Variants in PTPRG observed in about 807,000 individuals in gnomAD.
PTPRG encodes the protein protein tyrosine phosphatase receptor type G, also known as receptor-type tyrosine-protein phosphatase gamma.
A neutral mutation model predicts 165.3 loss-of-function variants in PTPRG; 102 were observed. That is an observed-to-expected ratio of 0.62 (90% CI 0.53 to 0.73). The LOEUF is 0.73. Ranked by LOEUF, PTPRG falls within the 30% of genes least tolerant of loss-of-function variation. The pLI, the probability that PTPRG is intolerant of heterozygous loss-of-function variation, is 0.00. For synonymous variants in PTPRG, 675 were observed against 669.5 expected, an observed-to-expected ratio of 1.01 and a Z score of -0.13; for missense variants, 1,866 against 1,861.4, an observed-to-expected ratio of 1.00 and a Z score of -0.05.
chr3:61,568,692 G>A (rs1699985086), intron 1 of PTPRG, among the ~76,000 whole-genome samples: 1 of 152,020 alleles, frequency 6.6e-6, no homozygotes, highest in Admixed American at 6.6e-5. Flanking sequence ...GACGGAACAT[G>A]AGGTCAAGAG....
intron 4 of PTPRG, among the ~76,000 whole-genome samples, chr3:62,016,119 G>A (rs2041539213): frequency 6.6e-6 from 1 of 152,008 alleles, no homozygotes; most frequent in Admixed American, 6.6e-5. Context: ...TGAGTTAATA[G>A]ACATAGAGTA....
chr3:62,142,026 T>C (rs1703950282), intron 6 of PTPRG, among the ~76,000 whole-genome samples: 1 of 151,208 alleles, frequency 6.6e-6, no homozygotes, highest in Non-Finnish European at 1.5e-5. Flanking sequence ...AGTCATAGAA[T>C]AGAACATTTC....
chr3:62,078,667 C>G (rs2526428), intron 5 of PTPRG, among the ~76,000 whole-genome samples: 10,078 of 151,852 alleles, frequency 0.066, 1,103 homozygotes, highest in African/African-American at 0.23. Flanking sequence ...CTAAAGAGAC[C>G]CCCTCTCTTT....
chr3:61,562,123 G>T lies in PTPRG; in HGVS notation c.-165G>T. The stretch of plus-strand genomic sequence containing the variant: ...TTTGAGATTTTCCGGGGGGCGCTCG[G>T]CGGCTTCCCGGATTCCAAGGGGACT... On this transcript the variant is annotated 5_prime_UTR_variant, in exon 1 of 30. Transcript: ENST00000474889. The T allele has an allele frequency of 1.7e-6, 1 of 586,914 alleles. No individual in the cohort carries two copies. The allele number at this position is 586,914 out of a possible 1,614,324, so 36.4% of individuals were successfully genotyped here.
At chr3:61,580,461 A>C (rs1472486475) in intron 1 of PTPRG, among the ~76,000 whole-genome samples, 1 of 150,080 alleles carries the variant, frequency 6.7e-6, no homozygotes. Context: ...GCTCACTGCA[A>C]CCTCTGCCTC....
chr3:62,072,615 A>ATGTGTG (rs746425268), intron 4 of PTPRG, among the ~76,000 whole-genome samples: 6 of 134,576 alleles, frequency 4.5e-5, no homozygotes, highest in Admixed American at 1.5e-4. Flanking sequence ...ATATATGTGT[A>ATGTGTG]TGTGTGTGTG....
chr3:62,251,460 G>A (rs901298635), intron 15 of PTPRG, among the ~76,000 whole-genome samples: 2 of 152,118 alleles, frequency 1.3e-5, no homozygotes, highest in Non-Finnish European at 2.9e-5. Flanking sequence ...ACCAGCCTGG[G>A]CAACATAGCA....
rs182519766 is a variant in PTPRG, at chr3:61,783,428, G to T, written c.190+34446G>T. 3.9e-5 allele frequency among the ~76,000 whole-genome samples: 6 copies of T among 152,278 alleles called. No individual in the cohort carries two copies. The East Asian group carries it at 1.2e-3, about 29-fold the overall frequency. ...TTAAAGAGTGTTCATTGTATTTAGGGTTGAGTAGATATAGATGCCAGTTCA... is the reference window on the plus strand; with the variant it reads ...TTAAAGAGTGTTCATTGTATTTAGGTTTGAGTAGATATAGATGCCAGTTCA... On this transcript the variant is annotated intron_variant, in intron 2 of 29. Transcript: ENST00000474889.
intron 2 of PTPRG, among the ~76,000 whole-genome samples, chr3:61,819,729 A>G (rs949676476): frequency 1.8e-4 from 28 of 152,222 alleles, no homozygotes; most frequent in Non-Finnish European, 3.5e-4. Context: ...GACAAAATCC[A>G]TAACATGGGA....
intron 1 of PTPRG, among the ~76,000 whole-genome samples, chr3:61,713,882 A>G (rs1223757974): frequency 6.6e-6 from 1 of 152,234 alleles, no homozygotes; most frequent in Non-Finnish European, 1.5e-5. Context: ...TGGGTGATTT[A>G]AATGTTAAAA....
rs548540859 is a variant in PTPRG, at chr3:62,209,817, T to A, written c.2155+5867T>A. ...TCTTTGAATTAAGACACATGGTAAA[T>A]CTCATGGTATGGAAAACCAGACCCC... On this transcript the variant is annotated intron_variant, in intron 12 of 29. Coordinates refer to ENST00000474889, the MANE Select transcript of PTPRG (RefSeq NM_002841.4). Among the ~76,000 whole-genome samples, 18 of 152,272 alleles carry A rather than the reference T, an allele frequency of 1.2e-4. No homozygotes were observed. The South Asian group carries it at 3.7e-3, about 32-fold the overall frequency.
chr3:61,881,308 T>C (rs185157376), intron 2 of PTPRG, among the ~76,000 whole-genome samples: 244 of 152,308 alleles, frequency 1.6e-3, no homozygotes, highest in African/African-American at 5.4e-3. Flanking sequence ...ATCTATCAAC[T>C]TGGGGAGAAA....
At chr3:62,239,350 TTTTTTCTTTC>T (rs1701104692) in intron 14 of PTPRG, among the ~76,000 whole-genome samples, 1 of 150,674 alleles carries the variant, frequency 6.6e-6, no homozygotes, top group African/African-American at 2.5e-5. Context: ...TCTTTCTTTC[TTTTTTCTTTC>T]TTTTTTTTTT....
intron 2 of PTPRG, among the ~76,000 whole-genome samples, chr3:61,844,274 C>A (rs2036741003): frequency 6.6e-6 from 1 of 152,030 alleles, no homozygotes; most frequent in African/African-American, 2.4e-5. Context: ...GAAAAAAAGT[C>A]TGTTTTTATA....
At chr3:61,951,050 T>A (rs1360264414) in intron 2 of PTPRG, among the ~76,000 whole-genome samples, 1 of 152,236 alleles carries the variant, frequency 6.6e-6, no homozygotes, top group Admixed American at 6.5e-5. Flanking sequence ...ATCATTTTCG[T>A]AAGCAGTACA....
chr3:61,886,195 CT>C (rs2038032537), intron 2 of PTPRG, among the ~76,000 whole-genome samples: 1 of 152,136 alleles, frequency 6.6e-6, no homozygotes, highest in Non-Finnish European at 1.5e-5. Context: ...ATCAGAAGAA[CT>C]GTCTTCCTTC....
chr3:62,185,877 G>A (rs781121370), intron 8 of PTPRG, among the ~76,000 whole-genome samples: 4 of 152,146 alleles, frequency 2.6e-5, no homozygotes, highest in African/African-American at 4.8e-5. Flanking sequence ...TTACAGATGC[G>A]GACACAGGAT....
At chr3:61,923,898 T>A (rs566204708) in intron 2 of PTPRG, among the ~76,000 whole-genome samples, 2 of 152,176 alleles carry the variant, frequency 1.3e-5, no homozygotes, top group Admixed American at 6.5e-5. Flanking sequence ...ATGTATTAAC[T>A]GTTAATTTTA....
intron 7 of PTPRG, among the ~76,000 whole-genome samples, chr3:62,160,481 CAT>C (rs2106709118): frequency 6.6e-6 from 1 of 152,250 alleles, no homozygotes; most frequent in East Asian, 1.9e-4. Flanking sequence ...AGGCCAAAAT[CAT>C]GTCCCCCAAA....
Sources: allele counts gnomAD v4.1 joint callset (sites outside exome capture counted in the v4.1 genomes callset), GRCh38; gene constraint gnomAD v4.1.1; transcripts MANE v1.5; gene names NCBI Gene and HGNC (gene_info 2026-07-23, HGNC 2026-07-21).